Variants in TAMM41 observed in about 807,000 individuals in gnomAD.
TAMM41 encodes the protein phosphatidate cytidylyltransferase, mitochondrial.
A neutral mutation model predicts 44.1 loss-of-function variants in TAMM41; 36 were observed. The observed-to-expected ratio is 0.82, with a 90% CI of 0.63 to 1.08. The LOEUF (loss-of-function observed/expected upper bound fraction) is 1.08, where lower values mean the gene tolerates loss of function less well. Ranked by LOEUF, TAMM41 falls within the 50% of genes least tolerant of loss-of-function variation. The probability of loss-of-function intolerance (pLI) is 0.00; values close to 1 mark genes in which losing one functional copy is unlikely to be tolerated. For missense variants in TAMM41, 417 were observed against 404.3 expected (o/e 1.03, Z -0.27); for synonymous variants, 164 against 153.1 (o/e 1.07, Z -0.53).
intron 4 of TAMM41, 133 bp from the exon 5 acceptor site, chr3:11,817,470 C>T (rs2078330604): frequency 3.4e-6 from 3 of 894,564 alleles, no homozygotes. Flanking sequence ...TGCTTTTCCT[C>T]CTCAAAACCT....
rs762644740 is a variant in TAMM41, at chr3:11,817,127, G to C, written c.708+65C>G. 7 of 1,547,454 alleles carry C rather than the reference G, an allele frequency of 4.5e-6. No homozygotes were observed. The South Asian group carries it at 8.2e-5, about 18-fold the overall frequency. On this transcript the variant is annotated intron_variant, in intron 5 of 7. Transcript: ENST00000455809. ...ACACCAGTCATGCTGTTCTACCCCT[G>C]ACTTTCTTCCTGCAAATAGCCTTTG... is the stretch of plus-strand genomic sequence containing the variant.
chr3:11,736,918 G>T, the TAMM41 span, among the ~76,000 whole-genome samples: 1 of 152,106 alleles, frequency 6.6e-6, no homozygotes, highest in African/African-American at 2.4e-5. Flanking sequence ...GGATGCACCT[G>T]CCCAGGACCA....
chr3:11,802,675 G>A (rs1575616101), intron 7 of TAMM41, among the ~76,000 whole-genome samples: 1 of 152,128 alleles, frequency 6.6e-6, no homozygotes, highest in Non-Finnish European at 1.5e-5. Context: ...ATCAAGGAGG[G>A]AATTCTCCCT....
chr3:11,811,553 G>C (rs1252158477), intron 5 of TAMM41: 1 of 152,150 alleles, frequency 6.6e-6, no homozygotes, highest in Non-Finnish European at 1.5e-5. Flanking sequence ...TTAAAAATTT[G>C]GTAAATTCTC....
intron 7 of TAMM41, among the ~76,000 whole-genome samples, chr3:11,804,600 T>C (rs1323451418): frequency 6.6e-6 from 1 of 152,134 alleles, no homozygotes; most frequent in Non-Finnish European, 1.5e-5. Context: ...ACAAAACAAA[T>C]CATTAAGCCT....
the TAMM41 span, among the ~76,000 whole-genome samples, chr3:11,733,716 C>T: frequency 2.0e-5 from 3 of 151,872 alleles, no homozygotes; most frequent in African/African-American, 7.3e-5. Flanking sequence ...AGGATGGTCT[C>T]GATCTCCTGA....
chr3:11,781,414 C>T, the TAMM41 span, among the ~76,000 whole-genome samples: 2 of 152,052 alleles, frequency 1.3e-5, no homozygotes, highest in African/African-American at 2.4e-5. Context: ...GAACAGCATG[C>T]TGAAGCGAAA....
At chr3:11,808,456 C>T in intron 6 of TAMM41, 1 of 986,534 alleles carries the variant, frequency 1.0e-6, no homozygotes, top group Non-Finnish European at 1.2e-6. Flanking sequence ...CTCTGCAAAC[C>T]TAGTGCAGGC....
intron 4 of TAMM41, among the ~76,000 whole-genome samples, chr3:11,821,432 A>G (rs1301010976): frequency 6.6e-6 from 1 of 152,168 alleles, no homozygotes; most frequent in Non-Finnish European, 1.5e-5. Flanking sequence ...TCAAATAGGT[A>G]TTGCGCTCCT....
chr3:11,834,984 G>A (rs765502251), intron 3 of TAMM41, among the ~76,000 whole-genome samples: 23 of 152,090 alleles, frequency 1.5e-4, no homozygotes, highest in East Asian at 1.9e-4. Context: ...CACCGCACTC[G>A]GCCTATATCC....
At chr3:11,825,120 C>G (rs1425080489) in intron 4 of TAMM41, among the ~76,000 whole-genome samples, 1 of 152,150 alleles carries the variant, frequency 6.6e-6, no homozygotes, top group Non-Finnish European at 1.5e-5. Flanking sequence ...GGTTCAAATG[C>G]TAGCTCGGCA....
chr3:11,736,123 T>G, the TAMM41 span, among the ~76,000 whole-genome samples: 1 of 152,180 alleles, frequency 6.6e-6, no homozygotes, highest in Non-Finnish European at 1.5e-5. Flanking sequence ...CCTGTGTAGT[T>G]TCCAAAATGA....
chr3:11,794,364 T>C lies in TAMM41; in HGVS notation c.938-3783A>G, dbSNP rs536734118. On this transcript the variant is annotated intron_variant, in intron 7 of 7. Transcript: ENST00000455809. ...TGTTGCCCAGGCTGGTCTTGAACCC[T>C]TGGCCTCAAGCCATCCTCCCACCTT... Among the ~76,000 whole-genome samples, 4 of 152,162 alleles carry C rather than the reference T, an allele frequency of 2.6e-5. No homozygotes were observed. In the East Asian group the frequency reaches 7.7e-4, roughly 29 times the overall value.
At chr3:11,775,977 A>AT in the TAMM41 span, among the ~76,000 whole-genome samples, 17 of 151,042 alleles carry the variant, frequency 1.1e-4, no homozygotes, top group African/African-American at 4.1e-4. Flanking sequence ...TTGGTTGGTA[A>AT]TTTTTTTAGA....
the TAMM41 span, among the ~76,000 whole-genome samples, chr3:11,738,227 G>A: frequency 5.9e-5 from 9 of 152,280 alleles, no homozygotes; most frequent in South Asian, 1.9e-3. Flanking sequence ...GAAATCATGA[G>A]AAAGTAATTA....
chr3:11,773,856 A>G, the TAMM41 span, among the ~76,000 whole-genome samples: 31 of 152,148 alleles, frequency 2.0e-4, no homozygotes, highest in Non-Finnish European at 4.0e-4. Context: ...TGGGAAGCTG[A>G]GGTGGGTGGA....
intron 7 of TAMM41, among the ~76,000 whole-genome samples, chr3:11,803,969 T>TA (rs1247000299): frequency 2.0e-5 from 3 of 152,206 alleles, no homozygotes; most frequent in Admixed American, 6.5e-5. Context: ...GAAAATTACC[T>TA]ATTGGGTACA....
In TAMM41 at chr3:11,829,768, C is replaced by G; in HGVS notation, c.508G>C (p.Glu170Gln). Residue 170 changes from glutamate (E) to glutamine (Q), a missense_variant, in exon 4 of 8, where the codon GAA becomes CAA. Glu to Gln is a conservative substitution (Grantham distance 29). Coordinates refer to ENST00000455809, the MANE Select transcript of TAMM41 (RefSeq NM_001284401.2). ...AVTAAFLMLP[E>Q]SFSEEDLFIE... ...AAGAGGTCTTCTTCAGAAAAGCTTT[C>G]GGGGAGCATGAGGAAAGCAGCGGTC... 1 of 1,614,122 alleles carries G rather than the reference C, an allele frequency of 6.2e-7. No homozygotes were observed. Among genetic ancestry groups the G allele is most frequent in the Non-Finnish European group, 8.5e-7 (1 of 1,180,008 alleles).
chr3:11,782,391 C>T, the TAMM41 span, among the ~76,000 whole-genome samples: 30 of 151,872 alleles, frequency 2.0e-4, no homozygotes, highest in South Asian at 2.1e-4. Flanking sequence ...ACTAAAAACA[C>T]AAAAAATTAG....
Sources: allele counts gnomAD v4.1 joint callset (sites outside exome capture counted in the v4.1 genomes callset), GRCh38; gene constraint gnomAD v4.1.1; transcripts MANE v1.5; gene names NCBI Gene and HGNC (gene_info 2026-07-23, HGNC 2026-07-21).